The following MPP7 variants were observed in gnomAD, a reference collection of about 807,000 sequenced individuals.
MPP7 encodes the protein MAGUK p55 subfamily member 7.
A neutral mutation model predicts 76.5 loss-of-function variants in MPP7; 60 were observed. The ratio of observed to expected loss-of-function variants is 0.78; its 90% CI spans 0.64 to 0.97. MPP7 has a LOEUF of 0.97. Among genes scored for constraint, MPP7 ranks in the 50% least tolerant of loss-of-function variants. The pLI is 0.00. For missense variants in MPP7, 641 were observed against 694.0 expected (o/e 0.92, Z 0.86); for synonymous variants, 237 against 244.5 (o/e 0.97, Z 0.29).
intron 12 of MPP7, among the ~76,000 whole-genome samples, chr10:28,070,876 A>T (rs527580288): frequency 6.6e-6 from 1 of 152,160 alleles, no homozygotes. Flanking sequence ...TTAGACAGGC[A>T]TAAGTCCCCC....
intron 11 of MPP7, among the ~76,000 whole-genome samples, chr10:28,102,546 G>A (rs565074833): frequency 7.2e-5 from 11 of 152,146 alleles, no homozygotes; most frequent in Non-Finnish European, 1.5e-4. Context: ...ATCTTGGAGT[G>A]TCATAGATCT....
At chr10:28,219,746 T>TTACTATAACCTAGTGTTTATTA (rs1838435235) in intron 2 of MPP7, among the ~76,000 whole-genome samples, 1 of 152,098 alleles carries the variant, frequency 6.6e-6, no homozygotes, top group South Asian at 2.1e-4. Flanking sequence ...CTAGGGCTAA[T>TTACTATAACCTAGTGTTTATTA]AAACACTAAA....
chr10:28,153,824 A>G (rs1835960556), intron 3 of MPP7, among the ~76,000 whole-genome samples: 1 of 152,206 alleles, frequency 6.6e-6, no homozygotes, highest in South Asian at 2.1e-4. Context: ...ACATTAAGTA[A>G]ACTAAAGCTG....
intron 11 of MPP7, among the ~76,000 whole-genome samples, chr10:28,117,682 C>T (rs999263423): frequency 2.0e-5 from 3 of 151,978 alleles, no homozygotes; most frequent in African/African-American, 7.2e-5. Context: ...ATGATTTATG[C>T]ATAACTTTTA....
At chr10:28,115,280 T>A (rs1329072861) in intron 11 of MPP7, among the ~76,000 whole-genome samples, 1 of 152,148 alleles carries the variant, frequency 6.6e-6, no homozygotes, top group Non-Finnish European at 1.5e-5. Flanking sequence ...TTTTTTTGTA[T>A]TTTTAGTAGA....
chr10:28,264,320 T>C (rs779683537), intron 1 of MPP7, among the ~76,000 whole-genome samples: 6 of 151,732 alleles, frequency 4.0e-5, no homozygotes, highest in African/African-American at 7.3e-5. Context: ...TAGCTAAAAA[T>C]TGGGGCAAAG....
chr10:28,293,737 A>C (rs997336678), intron 1 of MPP7, among the ~76,000 whole-genome samples: 1 of 152,064 alleles, frequency 6.6e-6, no homozygotes, highest in African/African-American at 2.4e-5. Context: ...CAGTCTCTAC[A>C]TACCAGGAAC....
chr10:28,260,769 CAA>C (rs772017051), intron 1 of MPP7, among the ~76,000 whole-genome samples: 26 of 68,334 alleles, frequency 3.8e-4, no homozygotes, highest in Non-Finnish European at 4.9e-4. Flanking sequence ...GACTCCATCT[CAA>C]AAAAAAAAAA....
At chr10:28,072,476 G>C (rs1852284392) in intron 12 of MPP7, among the ~76,000 whole-genome samples, 1 of 152,108 alleles carries the variant, frequency 6.6e-6, no homozygotes. Flanking sequence ...CTACCCATCA[G>C]CCATTTTGAC....
chr10:28,170,481 C>G (rs1444603559), intron 3 of MPP7, among the ~76,000 whole-genome samples: 1 of 151,728 alleles, frequency 6.6e-6, no homozygotes, highest in East Asian at 1.9e-4. Flanking sequence ...CCTCTATTTT[C>G]TTTATCATCG....
chr10:28,279,242 T>C (rs763709057), intron 1 of MPP7, among the ~76,000 whole-genome samples: 2 of 152,050 alleles, frequency 1.3e-5, no homozygotes, highest in Non-Finnish European at 2.9e-5. Flanking sequence ...ACGAAGCTAC[T>C]AAAAGTTCTC....
intron 1 of MPP7, among the ~76,000 whole-genome samples, chr10:28,279,704 C>CAA (rs1338156148): frequency 2.6e-5 from 3 of 113,590 alleles, no homozygotes; most frequent in Non-Finnish European, 5.6e-5. Context: ...GACGCTGTCT[C>CAA]AAAAAAAAAA....
chr10:28,098,794 T>C lies in MPP7; in HGVS notation c.953-8953A>G, dbSNP rs141677451. On this transcript the variant is annotated intron_variant, in intron 11 of 16. Transcript: ENST00000683449. The stretch of plus-strand genomic sequence containing the variant: ...AGGAATAGCCACATAAATTCAAGCA[T>C]AAAGCAAGCAACAAAAGCAAAAATC... 7.6e-3 allele frequency among the ~76,000 whole-genome samples: 1,158 copies of C among 151,470 alleles called. 8 individuals carry two copies. The highest frequency in any genetic ancestry group is 0.027 in the Middle Eastern group (8 of 292).
chr10:28,075,418 C>T (rs927918256), intron 12 of MPP7, among the ~76,000 whole-genome samples: 1 of 152,092 alleles, frequency 6.6e-6, no homozygotes, highest in African/African-American at 2.4e-5. Context: ...TTTATGGCCC[C>T]GAAACTTCTC....
At chr10:28,289,888 G>A (rs998827578) in intron 1 of MPP7, among the ~76,000 whole-genome samples, 6 of 152,102 alleles carry the variant, frequency 3.9e-5, no homozygotes, top group Admixed American at 6.5e-5. Context: ...GTATAATCTC[G>A]GCTCACTGCA....
At chr10:28,272,943 A>C (rs1473934312) in intron 1 of MPP7, among the ~76,000 whole-genome samples, 1 of 152,056 alleles carries the variant, frequency 6.6e-6, no homozygotes, top group Non-Finnish European at 1.5e-5. Flanking sequence ...TTTGAGATGG[A>C]GTCTCACTTT....
At chr10:28,175,740 C>A (rs997847156) in intron 3 of MPP7, among the ~76,000 whole-genome samples, 1 of 152,116 alleles carries the variant, frequency 6.6e-6, no homozygotes, top group Non-Finnish European at 1.5e-5. Flanking sequence ...TGATCTTCAA[C>A]TATTAATGTA....
intron 13 of MPP7, among the ~76,000 whole-genome samples, chr10:28,067,034 C>T (rs768829564): frequency 6.6e-6 from 1 of 152,094 alleles, no homozygotes; most frequent in Non-Finnish European, 1.5e-5. Context: ...GGTGAACGTA[C>T]TTATGCATTT....
chr10:28,057,739 C>T (rs1851619312), intron 15 of MPP7: 1 of 1,278,040 alleles, frequency 7.8e-7, no homozygotes, highest in South Asian at 1.2e-5. Flanking sequence ...AACACTTTTA[C>T]TCCAGATTCA....
Sources: gnomAD v4.1 joint callset for allele counts (sites outside exome capture counted in the v4.1 genomes callset) on GRCh38, gnomAD v4.1.1 for gene constraint, MANE v1.5 for transcripts, NCBI Gene and HGNC (gene_info 2026-07-23, HGNC 2026-07-21) for gene names.